Variants in CSMD3 observed in about 807,000 individuals in gnomAD.
CSMD3 encodes CUB and Sushi multiple domains 3, also known as CUB and sushi domain-containing protein 3.
A neutral mutation model predicts 435.2 loss-of-function variants in CSMD3; 177 were observed. That is an observed-to-expected ratio of 0.41 (90% CI 0.36 to 0.46). CSMD3 has a LOEUF of 0.46. Among genes scored for constraint, CSMD3 ranks in the 20% least tolerant of loss-of-function variants. The probability of loss-of-function intolerance (pLI) is 0.34; values close to 1 mark genes in which losing one functional copy is unlikely to be tolerated. For synonymous variants in CSMD3, 1,656 were observed against 1,520.5 expected, an observed-to-expected ratio of 1.09 and a Z score of -2.07; for missense variants, 4,265 against 4,504.6, an observed-to-expected ratio of 0.95 and a Z score of 1.52.
chr8:112,406,648 T>C lies in CSMD3; in HGVS notation c.5685A>G (p.Ala1895=). 6.2e-7 allele frequency: 1 copy of C among 1,612,648 alleles called. No homozygotes were observed. Among genetic ancestry groups the C allele is most frequent in the African/African-American group, 1.3e-5 (1 of 75,008 alleles). Residue 1895 remains alanine, a synonymous_variant, in exon 35 of 71, where the codon GCA becomes GCG. Transcript: ENST00000297405. ...AATCAAAAAGAACCGATGAACCGAC[T>C]GCAAATTCATTGCCAATTCTTCTTC... ...RFGRRIGNEF[A]VGSSVLFDCN...
At chr8:113,185,652 A>T (rs1313741088) in intron 3 of CSMD3, among the ~76,000 whole-genome samples, 1 of 152,006 alleles carries the variant, frequency 6.6e-6, no homozygotes, top group Non-Finnish European at 1.5e-5. Flanking sequence ...GTTGAAAATG[A>T]TGGGCTGTAG....
chr8:112,474,715 T>C (rs1185751999), intron 31 of CSMD3, among the ~76,000 whole-genome samples: 2 of 152,160 alleles, frequency 1.3e-5, no homozygotes, highest in Non-Finnish European at 2.9e-5. Context: ...TTTGAAAAAG[T>C]AAAAATTTGT....
intron 38 of CSMD3, among the ~76,000 whole-genome samples, chr8:112,367,492 AAACAG>A (rs1348095865): frequency 1.3e-5 from 2 of 152,192 alleles, no homozygotes; most frequent in Non-Finnish European, 2.9e-5. Context: ...GTGAAAAACA[AAACAG>A]AAGACCAGAA....
intron 3 of CSMD3, among the ~76,000 whole-genome samples, chr8:113,234,283 G>C (rs1421302610): frequency 6.6e-6 from 1 of 151,952 alleles, no homozygotes; most frequent in Non-Finnish European, 1.5e-5. Context: ...GACAGACACT[G>C]GCATCGAATC....
chr8:112,568,252 T>C (rs1780472788), intron 24 of CSMD3, among the ~76,000 whole-genome samples: 1 of 152,152 alleles, frequency 6.6e-6, no homozygotes, highest in Admixed American at 6.5e-5. Context: ...ATGAGATTTT[T>C]CTTGACAACG....
At chr8:112,613,703 C>T (rs1156732712) in intron 22 of CSMD3, among the ~76,000 whole-genome samples, 1 of 151,982 alleles carries the variant, frequency 6.6e-6, no homozygotes, top group East Asian at 1.9e-4. Flanking sequence ...TACTATGTAC[C>T]AAACACTATG....
At chr8:113,356,053 T>C (rs1563738476) in intron 1 of CSMD3, among the ~76,000 whole-genome samples, 1 of 151,774 alleles carries the variant, frequency 6.6e-6, no homozygotes, top group Non-Finnish European at 1.5e-5. Context: ...TAATACATTT[T>C]ACAACATTTG....
At chr8:112,358,875 A>C (rs1448755198) in intron 38 of CSMD3, among the ~76,000 whole-genome samples, 2 of 152,204 alleles carry the variant, frequency 1.3e-5, no homozygotes, top group Non-Finnish European at 2.9e-5. Flanking sequence ...AAACCTATGT[A>C]ATAAACATAC....
At position 112,545,552 on chromosome 8, in the gene CSMD3, G is replaced by A. The variant is rs181053248; in HGVS notation, c.4564+5119C>T. On this transcript the variant is annotated intron_variant, in intron 27 of 70. Transcript: ENST00000297405. ...AATGCTCTTCCCACCACCATCTAGG[G>A]TCAGAATGGGTGACCTGTTCATATC... 3.5e-3 allele frequency among the ~76,000 whole-genome samples: 521 copies of A among 150,112 alleles called. 1 individual carries two copies. The highest frequency in any genetic ancestry group is 0.012 in the African/African-American group (500 of 40,804).
intron 22 of CSMD3, among the ~76,000 whole-genome samples, chr8:112,606,402 T>C (rs1832795737): frequency 6.6e-6 from 1 of 152,184 alleles, no homozygotes; most frequent in Non-Finnish European, 1.5e-5. Flanking sequence ...GAAGGGAGGC[T>C]GCAGAAGCTA....
chr8:112,782,681 G>T (rs2078421876), intron 13 of CSMD3, among the ~76,000 whole-genome samples: 1 of 152,006 alleles, frequency 6.6e-6, no homozygotes, highest in Admixed American at 6.6e-5. Context: ...ATAAAGAAAG[G>T]ATTTTAACAG....
intron 13 of CSMD3, among the ~76,000 whole-genome samples, chr8:112,740,017 T>G (rs955216837): frequency 4.6e-5 from 7 of 151,778 alleles, no homozygotes; most frequent in African/African-American, 1.4e-4. Context: ...TTGCTAATGC[T>G]GATATCAATG....
chr8:113,328,437 CAAAAAAA>C (rs1192557099), intron 1 of CSMD3, among the ~76,000 whole-genome samples: 1 of 63,034 alleles, frequency 1.6e-5, no homozygotes, highest in African/African-American at 5.8e-5. Context: ...GACTCCGTCT[CAAAAAAA>C]AAAAAAAAAA....
At chr8:112,313,784 A>C in intron 49 of CSMD3, 122 bp downstream of exon 49, 1 of 751,026 alleles carries the variant, frequency 1.3e-6, no homozygotes, top group Non-Finnish European at 2.3e-6. Flanking sequence ...ATTGTCCAGG[A>C]ACCATCAATG....
intron 17 of CSMD3, among the ~76,000 whole-genome samples, chr8:112,658,055 G>C (rs2075296869): frequency 6.6e-6 from 1 of 151,996 alleles, no homozygotes; most frequent in African/African-American, 2.4e-5. Context: ...TTTTCTCTAG[G>C]GTAGTTACTA....
chr8:112,785,799 G>A (rs552195665), intron 13 of CSMD3, among the ~76,000 whole-genome samples: 1 of 152,072 alleles, frequency 6.6e-6, no homozygotes, highest in East Asian at 1.9e-4. Flanking sequence ...AGGAAAAAAA[G>A]GAAAGATATA....
intron 20 of CSMD3, among the ~76,000 whole-genome samples, chr8:112,641,466 A>G (rs2074823540): frequency 6.6e-6 from 1 of 152,164 alleles, no homozygotes; most frequent in Non-Finnish European, 1.5e-5. Flanking sequence ...GGTTAATACA[A>G]CTCAATATAG....
intron 5 of CSMD3, among the ~76,000 whole-genome samples, chr8:113,064,549 A>T (rs1175152999): frequency 6.6e-6 from 1 of 152,216 alleles, no homozygotes; most frequent in East Asian, 1.9e-4. Flanking sequence ...CTCTTAACAA[A>T]AACGAAAATA....
intron 3 of CSMD3, among the ~76,000 whole-genome samples, chr8:113,267,510 C>T (rs1351784849): frequency 1.3e-5 from 2 of 151,558 alleles, no homozygotes; most frequent in African/African-American, 4.8e-5. Flanking sequence ...ACAAATATTG[C>T]ATCTTTTTAC....
Sources: gnomAD v4.1 joint callset for allele counts (sites outside exome capture counted in the v4.1 genomes callset) on GRCh38, gnomAD v4.1.1 for gene constraint, MANE v1.5 for transcripts, NCBI Gene and HGNC (gene_info 2026-07-23, HGNC 2026-07-21) for gene names.